Variants in MTMR7 observed in about 807,000 individuals in gnomAD.
MTMR7 encodes the protein phosphatidylinositol-3-phosphate phosphatase MTMR7.
In MTMR7, 76 loss-of-function variants were observed where a neutral mutation model predicts 81.2. That is an observed-to-expected ratio of 0.94 (90% CI 0.78 to 1.13). The LOEUF is 1.13. Among genes scored for constraint, MTMR7 ranks in the 50% most tolerant of loss-of-function variants. The pLI is 0.00. For synonymous variants in MTMR7, 372 were observed against 289.8 expected, an observed-to-expected ratio of 1.28 and a Z score of -2.88; for missense variants, 1,044 against 820.0, an observed-to-expected ratio of 1.27 and a Z score of -3.34.
rs542646730 is a variant in MTMR7, at chr8:17,300,724, C to T, written c.1621-500G>A. On this transcript the variant is annotated intron_variant, in intron 13 of 13. Transcript: ENST00000180173. ...TACTAATTATAAAACACTGTCATCA[C>T]CTCCCCTGCCGAAAGAAAACCCCAT... Among the ~76,000 whole-genome samples, 11 of 152,320 alleles carry T rather than the reference C, an allele frequency of 7.2e-5. 1 individual carries two copies. In the South Asian group the frequency reaches 2.3e-3, roughly 32 times the overall value.
chr8:17,348,456 A>G (rs1370858795), intron 5 of MTMR7, among the ~76,000 whole-genome samples: 1 of 150,734 alleles, frequency 6.6e-6, no homozygotes, highest in South Asian at 2.1e-4. Context: ...AGGCTGAGGC[A>G]GGAGAATTGC....
intron 5 of MTMR7, among the ~76,000 whole-genome samples, chr8:17,348,499 G>A (rs547269009): frequency 6.8e-6 from 1 of 147,764 alleles, no homozygotes; most frequent in East Asian, 2.0e-4. Context: ...GCAGTGAGCC[G>A]AGATTGCACC....
At chr8:17,408,395 C>CAAAAAAAAAAAAAAAAAAAAAAAAA (rs530240881) in intron 1 of MTMR7, among the ~76,000 whole-genome samples, 2 of 23,506 alleles carry the variant, frequency 8.5e-5, no homozygotes, top group African/African-American at 1.9e-4. Flanking sequence ...GACTCCGTCT[C>CAAAAAAAAAAAAAAAAAAAAAAAAA]AAAAAAAAAA....
At chr8:17,359,582 C>T (rs1264728472) in intron 4 of MTMR7, among the ~76,000 whole-genome samples, 8 of 14,386 alleles carry the variant, frequency 5.6e-4, no homozygotes, top group African/African-American at 2.1e-3. Flanking sequence ...ACCCTGTTTC[C>T]TTAAAAAAAA....
chr8:17,345,714 C>G (rs1819534231), intron 5 of MTMR7, among the ~76,000 whole-genome samples: 1 of 152,228 alleles, frequency 6.6e-6, no homozygotes, highest in South Asian at 2.1e-4. Context: ...AAGATGGACC[C>G]TCCACAGGGG....
chr8:17,342,217 A>G (rs2150542944), intron 5 of MTMR7, among the ~76,000 whole-genome samples: 1 of 152,362 alleles, frequency 6.6e-6, no homozygotes, highest in East Asian at 1.9e-4. Flanking sequence ...ATGAGTAGGT[A>G]GTACAGATCC....
In MTMR7 at chr8:17,349,067, A is replaced by G; in HGVS notation, c.483T>C (p.Tyr161=). Residue 161 remains tyrosine (Y), a synonymous_variant, in exon 5 of 14, where the codon TAT becomes TAC. Transcript: ENST00000180173. ...VNRDYRVCDS[Y]PTELYVPKSA... is the part of the protein sequence containing the mutation. ...ATTTGGGAACGTACAGTTCAGTAGG[A>G]TAAGAGTCACAGACCTGTCACCAGA... 6.2e-7 allele frequency: 1 copy of G among 1,612,130 alleles called. No homozygotes were observed. The highest frequency in any genetic ancestry group is 8.5e-7 in the Non-Finnish European group (1 of 1,179,688).
At chr8:17,303,263 A>C (rs765569113) in intron 12 of MTMR7, among the ~76,000 whole-genome samples, 2 of 152,180 alleles carry the variant, frequency 1.3e-5, no homozygotes, top group African/African-American at 2.4e-5. Context: ...ACAGCTCTTA[A>C]AACTTGTCTT....
chr8:17,341,561 C>A (rs973649792), intron 5 of MTMR7, 64 bp from the exon 6 acceptor site: 2 of 1,561,858 alleles, frequency 1.3e-6, no homozygotes, highest in Non-Finnish European at 8.7e-7. Flanking sequence ...AGACACTCTA[C>A]GTGTGTCTCC....
chr8:17,336,561 A>G (rs1377484128), intron 6 of MTMR7, among the ~76,000 whole-genome samples: 1 of 152,140 alleles, frequency 6.6e-6, no homozygotes, highest in Admixed American at 6.5e-5. Flanking sequence ...CCACCTACTC[A>G]CTAATTCCAG....
At chr8:17,331,088 T>G in intron 7 of MTMR7, 62 bp downstream of exon 7, 1 of 1,552,382 alleles carries the variant, frequency 6.4e-7, no homozygotes, top group Non-Finnish European at 8.7e-7. Flanking sequence ...GACTATCTTA[T>G]TCCCTTTTGG....
At chr8:17,366,656 G>T (rs1820232103) in intron 3 of MTMR7, among the ~76,000 whole-genome samples, 1 of 152,164 alleles carries the variant, frequency 6.6e-6, no homozygotes, top group South Asian at 2.1e-4. Flanking sequence ...GGAGGCCGAG[G>T]CGGGCGGATC....
intron 5 of MTMR7, among the ~76,000 whole-genome samples, chr8:17,344,930 G>C (rs1039008903): frequency 2.0e-5 from 3 of 151,984 alleles, no homozygotes; most frequent in Non-Finnish European, 4.4e-5. Context: ...GTAAATTTGG[G>C]AGACCATGCT....
At chr8:17,367,983 T>C (rs73565115) in intron 3 of MTMR7, among the ~76,000 whole-genome samples, 2,660 of 152,118 alleles carry the variant, frequency 0.017, 81 homozygotes, top group African/African-American at 0.06. Context: ...AAACATTTCT[T>C]CTTATGTAAA....
chr8:17,305,869 G>A lies in MTMR7; in HGVS notation c.1240C>T (p.Pro414Ser), dbSNP rs1454992038. Residue 414 changes from proline (P) to serine (S), a missense_variant, in exon 11 of 14, where the codon CCC (proline) becomes TCC (serine). Pro to Ser is a moderately conservative substitution (Grantham distance 74). Coordinates refer to ENST00000180173, the MANE Select transcript of MTMR7 (RefSeq NM_004686.5). ...CTCTCATTGAACTCAAAGGCACAGG[G>A]AAATTGTTCCATTAACTGCCAAACA... is the stretch of plus-strand genomic sequence containing the variant. ...ECVWQLMEQF[P>S]CAFEFNERFL... 1.2e-6 allele frequency: 2 copies of A among 1,613,648 alleles called. No homozygotes were observed. The highest frequency in any genetic ancestry group is 1.7e-6 in the Non-Finnish European group (2 of 1,179,678).
rs571591295 is a variant in MTMR7 at position 17,345,422 on chromosome 8, C to A, written c.597+3531G>T. Reference sequence around the variant, plus strand: ...TCCTGATACTACACAGCCTGCCTCTCACAGCCCCTGGCTGTCACTCTGCTC... The same window carrying A: ...TCCTGATACTACACAGCCTGCCTCTAACAGCCCCTGGCTGTCACTCTGCTC... On this transcript the variant is annotated intron_variant, in intron 5 of 13. Transcript: ENST00000180173. 1.4e-4 allele frequency among the ~76,000 whole-genome samples: 22 copies of A among 152,352 alleles called. No individual in the cohort carries two copies. In the East Asian group the frequency reaches 3.9e-3, roughly 27 times the overall value.
chr8:17,347,499 C>T (rs1237189816), intron 5 of MTMR7, among the ~76,000 whole-genome samples: 1 of 152,144 alleles, frequency 6.6e-6, no homozygotes, highest in East Asian at 1.9e-4. Flanking sequence ...CTCTACCCCC[C>T]GGCTGTAGGT....
intron 1 of MTMR7, among the ~76,000 whole-genome samples, chr8:17,407,267 T>TA (rs149162505): frequency 0.037 from 5,512 of 150,894 alleles, 313 homozygotes; most frequent in African/African-American, 0.12. Flanking sequence ...ACCTCGCTGG[T>TA]AAAAAAAAAT....
At chr8:17,380,512 A>C (rs1399760774) in intron 1 of MTMR7, among the ~76,000 whole-genome samples, 1 of 152,050 alleles carries the variant, frequency 6.6e-6, no homozygotes, top group South Asian at 2.1e-4. Flanking sequence ...CACTGGAAGA[A>C]GACGAACTGT....
Sources: gnomAD v4.1 joint callset for allele counts (sites outside exome capture counted in the v4.1 genomes callset) on GRCh38, gnomAD v4.1.1 for gene constraint, MANE v1.5 for transcripts, NCBI Gene and HGNC (gene_info 2026-07-23, HGNC 2026-07-21) for gene names.